The following PBX1 variants were observed in gnomAD, a reference collection of about 807,000 sequenced individuals.
PBX1 encodes the protein pre-B-cell leukemia transcription factor 1.
Under a neutral mutation model 53.4 loss-of-function variants are expected in PBX1, and 6 were observed. The observed-to-expected ratio is 0.11, with a 90% CI of 0.06 to 0.22. The LOEUF is 0.22. PBX1 is among the 10% of genes least tolerant of loss of function. The pLI is 1.00. For synonymous variants in PBX1, 204 were observed against 212.3 expected (o/e 0.96, Z 0.34); for missense variants, 251 against 551.4 (o/e 0.46, Z 5.46).
chr1:164,620,985 A>T (rs187070693), intron 2 of PBX1, among the ~76,000 whole-genome samples: 2 of 145,514 alleles, frequency 1.4e-5, no homozygotes, highest in East Asian at 4.1e-4. Flanking sequence ...GCCCGGCATT[A>T]AAAAAAAATT....
chr1:164,841,055 C>G (rs903769874), intron 8 of PBX1, among the ~76,000 whole-genome samples: 2 of 152,130 alleles, frequency 1.3e-5, no homozygotes, highest in Non-Finnish European at 2.9e-5. Context: ...AATTCCACAC[C>G]CTTGCTTTTA....
Position 164,847,217 on chromosome 1 carries a change from C to A in PBX1, c.*541C>A. 1 of 1,074,226 alleles carries A rather than the reference C, an allele frequency of 9.3e-7. No homozygotes were observed. 66.5% of individuals were successfully genotyped at this position (1,074,226 alleles called of 1,614,324 possible). On this transcript the variant is annotated 3_prime_UTR_variant, in exon 9 of 9. Transcript: ENST00000420696. The stretch of plus-strand genomic sequence containing the variant: ...ATTGCCCTATTCATTCCAGGCCTCC[C>A]TGCTTCCTCTTGCTCTTCCTCCCTG...
intron 2 of PBX1, among the ~76,000 whole-genome samples, chr1:164,633,154 CT>C (rs59864546): frequency 0.024 from 3,437 of 144,470 alleles, 136 homozygotes; most frequent in African/African-American, 0.079. Context: ...TCTTTCTTTT[CT>C]TTTTTTTTTT....
intron 8 of PBX1, among the ~76,000 whole-genome samples, chr1:164,828,062 G>C (rs973584876): frequency 1.3e-5 from 2 of 152,076 alleles, no homozygotes; most frequent in African/African-American, 4.8e-5. Context: ...ACAGAAGGGG[G>C]GAATTTAGGA....
chr1:164,625,691 C>G (rs563291710), intron 2 of PBX1, among the ~76,000 whole-genome samples: 6 of 151,586 alleles, frequency 4.0e-5, no homozygotes, highest in African/African-American at 1.5e-4. Flanking sequence ...CTCATAAGAT[C>G]TTTCATCTTT....
chr1:164,674,039 C>T (rs976108494), intron 2 of PBX1, among the ~76,000 whole-genome samples: 1 of 152,180 alleles, frequency 6.6e-6, no homozygotes, highest in Non-Finnish European at 1.5e-5. Context: ...CCAGTACATA[C>T]AGAACATAGA....
intron 2 of PBX1, among the ~76,000 whole-genome samples, chr1:164,759,817 G>T (rs973572927): frequency 6.6e-6 from 1 of 152,154 alleles, no homozygotes; most frequent in Non-Finnish European, 1.5e-5. Flanking sequence ...GAAGACCTGT[G>T]CCTCCAGGCC....
intron 2 of PBX1, among the ~76,000 whole-genome samples, chr1:164,578,324 A>C (rs1446864795): frequency 6.6e-6 from 1 of 152,228 alleles, no homozygotes; most frequent in Non-Finnish European, 1.5e-5. Flanking sequence ...TGTTGGTGAA[A>C]ACTCTTTATC....
intron 2 of PBX1, among the ~76,000 whole-genome samples, chr1:164,665,946 C>A (rs932826379): frequency 2.0e-5 from 3 of 152,106 alleles, no homozygotes; most frequent in Non-Finnish European, 1.5e-5. Context: ...TCTGGCTTGG[C>A]CTTGAGAAGA....
At chr1:164,702,542 C>T (rs750964757) in intron 2 of PBX1, among the ~76,000 whole-genome samples, 2 of 152,146 alleles carry the variant, frequency 1.3e-5, no homozygotes, top group African/African-American at 2.4e-5. Flanking sequence ...TGCACTTGTA[C>T]AGATACACCA....
downstream of PBX1, among the ~76,000 whole-genome samples, chr1:164,855,120 A>G (rs1380196873): frequency 1.3e-5 from 2 of 151,518 alleles, no homozygotes; most frequent in Non-Finnish European, 2.9e-5. Context: ...TAATGTTTGT[A>G]TTTTCTGTAG....
At chr1:164,738,868 A>G (rs1177086580) in intron 2 of PBX1, among the ~76,000 whole-genome samples, 1 of 152,216 alleles carries the variant, frequency 6.6e-6, no homozygotes. Flanking sequence ...AGTTTCTCTA[A>G]CATCCTACTT....
intron 2 of PBX1, among the ~76,000 whole-genome samples, chr1:164,865,391 A>C (rs772893271): frequency 1.3e-5 from 2 of 152,220 alleles, no homozygotes; most frequent in African/African-American, 4.8e-5. Flanking sequence ...CAGCTGGATA[A>C]GAAATCACCA....
intron 2 of PBX1, among the ~76,000 whole-genome samples, chr1:164,576,127 T>C (rs1571251293): frequency 2.0e-5 from 3 of 152,200 alleles, no homozygotes; most frequent in South Asian, 4.1e-4. Context: ...ATAAAACTTT[T>C]GGAACCAAGA....
chr1:164,647,815 CT>C (rs11299199), intron 2 of PBX1, among the ~76,000 whole-genome samples: 55,657 of 133,682 alleles, frequency 0.42, 11,663 homozygotes, highest in East Asian at 0.5. Context: ...AGCACCCCAG[CT>C]TTTTTTTTTT....
chr1:164,639,657 G>A (rs1372055858), intron 2 of PBX1: 1 of 152,192 alleles, frequency 6.6e-6, no homozygotes, highest in Non-Finnish European at 1.5e-5. Context: ...AAGTGGTGAA[G>A]TGTTCCTTAT....
At chr1:164,736,107 T>C (rs945586914) in intron 2 of PBX1, among the ~76,000 whole-genome samples, 1 of 152,148 alleles carries the variant, frequency 6.6e-6, no homozygotes, top group Non-Finnish European at 1.5e-5. Context: ...GACAAAGCTA[T>C]TGAAGGCCTG....
intron 8 of PBX1, among the ~76,000 whole-genome samples, chr1:164,826,631 C>T (rs1670478508): frequency 6.6e-6 from 1 of 152,150 alleles, no homozygotes; most frequent in Non-Finnish European, 1.5e-5. Flanking sequence ...TCTCAAACTC[C>T]TGACCTCAAG....
chr1:164,802,708 C>T (rs955199603), intron 4 of PBX1, among the ~76,000 whole-genome samples: 3 of 152,182 alleles, frequency 2.0e-5, no homozygotes, highest in Non-Finnish European at 4.4e-5. Flanking sequence ...TTTCCTGTCT[C>T]TCTTCCTTAG....
Sources: allele counts gnomAD v4.1 joint callset (sites outside exome capture counted in the v4.1 genomes callset), GRCh38; gene constraint gnomAD v4.1.1; transcripts MANE v1.5; gene names NCBI Gene and HGNC (gene_info 2026-07-23, HGNC 2026-07-21).